The following ENKUR variants were observed in gnomAD, a reference collection of about 807,000 sequenced individuals.
ENKUR encodes enkurin, TRPC channel interacting protein.
Under a neutral mutation model 27.6 loss-of-function variants are expected in ENKUR, and 19 were observed. That is an observed-to-expected ratio of 0.69 (90% confidence interval 0.48 to 1.01). The LOEUF (loss-of-function observed/expected upper bound fraction) is 1.01. Ranked by LOEUF, ENKUR falls within the 50% of genes least tolerant of loss-of-function variation. The pLI, the probability that ENKUR is intolerant of heterozygous loss-of-function variation, is 0.00. For synonymous variants in ENKUR, 117 were observed against 96.9 expected (o/e 1.21, Z -1.22); for missense variants, 312 against 310.5 (o/e 1.00, Z -0.04).
At chr10:25,057,361 T>C (rs1476053383) in intron 2 of ENKUR, among the ~76,000 whole-genome samples, 1 of 145,740 alleles carries the variant, frequency 6.9e-6, no homozygotes, top group Non-Finnish European at 1.5e-5. Flanking sequence ...TGTAATCAGC[T>C]TAACCCTCTG....
At chr10:24,998,135 C>CCCTT (rs1429316177) in intron 2 of ENKUR, among the ~76,000 whole-genome samples, 2 of 152,036 alleles carry the variant, frequency 1.3e-5, no homozygotes, top group Non-Finnish European at 1.5e-5. Context: ...GATTTGGGGA[C>CCCTT]ATTAAATACT....
chr10:25,044,594 G>A (rs191494819), intron 2 of ENKUR, among the ~76,000 whole-genome samples: 60 of 152,126 alleles, frequency 3.9e-4, no homozygotes, highest in Non-Finnish European at 7.8e-4. Context: ...ACATAGTCTC[G>A]CTATGTTGCC....
rs761849204 is a variant in ENKUR at position 25,025,499 on chromosome 10, T to C, written c.38-29630A>G. On this transcript the variant is annotated intron_variant, in intron 2 of 5. Coordinates refer to the ENKUR transcript ENST00000615958. ...TTTTTTTCTAGCTATAAGCATGCAATAATAAATCTCAAACACTGATTTGGA... is the reference window on the plus strand; with the variant it reads ...TTTTTTTCTAGCTATAAGCATGCAACAATAAATCTCAAACACTGATTTGGA... The C allele has an allele frequency of 5.9e-6, 9 of 1,530,930 alleles. No individual in the cohort carries two copies. In the African/African-American group the frequency reaches 1.1e-4, roughly 19 times the overall value. The allele number at this position is 1,530,930 out of a possible 1,614,324, so 94.8% of individuals were successfully genotyped here. A position where few individuals can be genotyped will look rare whatever the true frequency, so the allele number is the denominator to read the frequency against.
chr10:25,047,102 A>G (rs577274974), intron 2 of ENKUR, among the ~76,000 whole-genome samples: 2 of 152,304 alleles, frequency 1.3e-5, no homozygotes, highest in African/African-American at 2.4e-5. Context: ...GGCATTGTCT[A>G]TCCAAATTCT....
intron 2 of ENKUR, among the ~76,000 whole-genome samples, chr10:25,055,545 C>CAA (rs142864120): frequency 2.4e-3 from 222 of 94,178 alleles, no homozygotes; most frequent in South Asian, 4.6e-3. Flanking sequence ...AACAAATTGG[C>CAA]AAAAAAAAAA....
chr10:24,986,356 T>C (rs1418354856), intron 4 of ENKUR, among the ~76,000 whole-genome samples: 2 of 152,188 alleles, frequency 1.3e-5, no homozygotes, highest in African/African-American at 2.4e-5. Flanking sequence ...TGAGGCCTTC[T>C]TGAGTGAGCT....
upstream of ENKUR, chr10:25,016,227 C>T (rs59511127): frequency 6.7e-3 from 7,242 of 1,088,166 alleles, 292 homozygotes; most frequent in African/African-American, 0.093. Context: ...TAGGTCTCCC[C>T]TCTTCCCTCT....
chr10:25,054,469 C>A (rs1283210354), intron 2 of ENKUR, among the ~76,000 whole-genome samples: 1 of 99,844 alleles, frequency 1.0e-5, no homozygotes, highest in Admixed American at 1.1e-4. Context: ...TTCTTTCTTT[C>A]TTTCTTTCTT....
At chr10:25,025,432 C>G (rs2132766190) in intron 2 of ENKUR, 1 of 1,606,550 alleles carries the variant, frequency 6.2e-7, no homozygotes, top group Middle Eastern at 1.7e-4. Flanking sequence ...TGTGGAACAA[C>G]TTGTCCAAAA....
At chr10:25,055,706 A>G (rs905074885) in intron 2 of ENKUR, among the ~76,000 whole-genome samples, 30 of 152,220 alleles carry the variant, frequency 2.0e-4, no homozygotes, top group African/African-American at 7.2e-4. Flanking sequence ...CTATTCCTTT[A>G]TGAGTGATGG....
chr10:25,010,138 G>T (rs1850408072), intron 1 of ENKUR, among the ~76,000 whole-genome samples: 1 of 152,152 alleles, frequency 6.6e-6, no homozygotes, highest in Non-Finnish European at 1.5e-5. Flanking sequence ...TGTTGAATGG[G>T]TTTGACCAGA....
chr10:25,012,958 G>A (rs942594647), intron 1 of ENKUR, among the ~76,000 whole-genome samples: 1 of 152,164 alleles, frequency 6.6e-6, no homozygotes, highest in African/African-American at 2.4e-5. Flanking sequence ...CATATGTCAT[G>A]GGAGGGATCT....
At chr10:25,031,742 T>C (rs1199797129) in intron 2 of ENKUR, among the ~76,000 whole-genome samples, 3 of 152,010 alleles carry the variant, frequency 2.0e-5, no homozygotes, top group Non-Finnish European at 2.9e-5. Flanking sequence ...TTAGTTCTTT[T>C]TTTTTTTCTT....
chr10:25,035,117 T>C (rs1170842784), intron 2 of ENKUR, among the ~76,000 whole-genome samples: 1 of 152,192 alleles, frequency 6.6e-6, no homozygotes, highest in Non-Finnish European at 1.5e-5. Flanking sequence ...TATTATTGGA[T>C]TTTATTTTCC....
chr10:25,018,391 A>G (rs911126063), upstream of ENKUR, among the ~76,000 whole-genome samples: 3 of 152,236 alleles, frequency 2.0e-5, no homozygotes, highest in Non-Finnish European at 2.9e-5. Context: ...CAAACTGTCT[A>G]TAAAGGGGTA....
chr10:25,033,825 G>GTGTCTATCTATCTA (rs912241465), intron 2 of ENKUR, among the ~76,000 whole-genome samples: 31 of 148,730 alleles, frequency 2.1e-4, no homozygotes, highest in African/African-American at 7.5e-4. Context: ...GTGTGTGTGT[G>GTGTCTATCTATCTA]TCTATCTATC....
chr10:25,048,406 A>G (rs947492908), intron 2 of ENKUR, among the ~76,000 whole-genome samples: 2 of 152,114 alleles, frequency 1.3e-5, no homozygotes, highest in African/African-American at 4.8e-5. Context: ...AGATGTTCAC[A>G]AACATAAAAG....
At chr10:25,038,823 A>T (rs534951514) in intron 2 of ENKUR, among the ~76,000 whole-genome samples, 1 of 152,348 alleles carries the variant, frequency 6.6e-6, no homozygotes, top group East Asian at 1.9e-4. Context: ...GGTAAAAGGT[A>T]TCTGTTTCTC....
intron 3 of ENKUR, among the ~76,000 whole-genome samples, chr10:24,994,979 C>T (rs1411921297): frequency 6.6e-6 from 1 of 152,054 alleles, no homozygotes; most frequent in Non-Finnish European, 1.5e-5. Flanking sequence ...TGAGATTGCA[C>T]CATTGTACTC....
Sources: allele counts gnomAD v4.1 joint callset (sites outside exome capture counted in the v4.1 genomes callset), GRCh38; gene constraint gnomAD v4.1.1; transcripts MANE v1.5; gene names NCBI Gene and HGNC (gene_info 2026-07-23, HGNC 2026-07-21).